PTPRD: variants seen among roughly 807,000 people sequenced by gnomAD.
PTPRD encodes the protein protein tyrosine phosphatase receptor type D.
In PTPRD, 34 loss-of-function variants were observed where a neutral mutation model predicts 214.5. The observed-to-expected ratio is 0.16, with a 90% confidence interval of 0.12 to 0.21. The LOEUF (loss-of-function observed/expected upper bound fraction) is 0.21, where lower values mean the gene tolerates loss of function less well. Among genes scored for constraint, PTPRD ranks in the 10% least tolerant of loss-of-function variants. The pLI, the probability that PTPRD is intolerant of heterozygous loss-of-function variation, is 1.00. For synonymous variants in PTPRD, 1,128 were observed against 845.7 expected, an observed-to-expected ratio of 1.33 and a Z score of -5.79; for missense variants, 2,545 against 2,398.7, an observed-to-expected ratio of 1.06 and a Z score of -1.27.
chr9:9,825,196 T>A (rs2052312207), intron 5 of PTPRD, among the ~76,000 whole-genome samples: 1 of 152,118 alleles, frequency 6.6e-6, no homozygotes, highest in African/African-American at 2.4e-5. Flanking sequence ...AGAGTTCATA[T>A]AGGAAAGACA....
At chr9:8,642,994 T>C (rs77017483) in intron 12 of PTPRD, among the ~76,000 whole-genome samples, 54 of 152,226 alleles carry the variant, frequency 3.5e-4, no homozygotes, top group Non-Finnish European at 5.7e-4. Flanking sequence ...AGGTTCTACA[T>C]GAACCAGGGC....
At chr9:8,790,196 T>C (rs2096169582) in intron 11 of PTPRD, among the ~76,000 whole-genome samples, 1 of 151,904 alleles carries the variant, frequency 6.6e-6, no homozygotes, top group East Asian at 1.9e-4. Flanking sequence ...TTTTATTTTT[T>C]GTAGAGACGG....
chr9:9,121,182 G>C (rs533381275), intron 10 of PTPRD, among the ~76,000 whole-genome samples: 8 of 152,218 alleles, frequency 5.3e-5, no homozygotes, highest in African/African-American at 1.9e-4. Context: ...ACTATTTATG[G>C]AAATGTGACA....
At chr9:9,340,918 A>G (rs537420865) in intron 9 of PTPRD, among the ~76,000 whole-genome samples, 15 of 152,312 alleles carry the variant, frequency 9.8e-5, no homozygotes, top group African/African-American at 3.6e-4. Flanking sequence ...AAACAGTGAT[A>G]GTAACAGCAG....
At chr9:10,479,480 C>T (rs1337427627) in intron 2 of PTPRD, among the ~76,000 whole-genome samples, 2 of 152,006 alleles carry the variant, frequency 1.3e-5, no homozygotes, top group Non-Finnish European at 2.9e-5. Context: ...ACGACTTCAA[C>T]TTTAAACCAC....
intron 7 of PTPRD, among the ~76,000 whole-genome samples, chr9:9,672,009 A>T (rs1465557649): frequency 6.6e-6 from 1 of 152,174 alleles, no homozygotes; most frequent in Non-Finnish European, 1.5e-5. Flanking sequence ...AAACATCACA[A>T]CTTGTCAGGG....
intron 14 of PTPRD, among the ~76,000 whole-genome samples, chr9:8,576,632 A>C (rs2092397824): frequency 3.3e-5 from 1 of 30,134 alleles, no homozygotes; most frequent in Non-Finnish European, 5.8e-5. Context: ...CTAATGCAGC[A>C]AAAAAAAAAA....
chr9:8,395,777 A>G (rs559516359), intron 36 of PTPRD, among the ~76,000 whole-genome samples: 1 of 152,042 alleles, frequency 6.6e-6, no homozygotes, highest in African/African-American at 2.4e-5. Flanking sequence ...TTGATTTTCC[A>G]TACCCCCACA....
intron 9 of PTPRD, among the ~76,000 whole-genome samples, chr9:9,239,144 C>T (rs551113280): frequency 2.7e-4 from 41 of 151,328 alleles, no homozygotes; most frequent in African/African-American, 9.9e-4. Context: ...CTTTTATCTT[C>T]ACTAGAACTA....
At chr9:8,340,268 G>C (rs1395029552) in intron 42 of PTPRD, 75 bp downstream of exon 42, 1 of 1,465,010 alleles carries the variant, frequency 6.8e-7, no homozygotes, top group Non-Finnish European at 9.2e-7. Context: ...TAGCACAAGA[G>C]TTATTGAAAC....
chr9:9,987,604 G>T (rs781353167), intron 4 of PTPRD, among the ~76,000 whole-genome samples: 1 of 151,994 alleles, frequency 6.6e-6, no homozygotes, highest in Admixed American at 6.5e-5. Flanking sequence ...GATTTGGGTG[G>T]GGATGTTAGC....
At chr9:10,283,684 C>G (rs1241618698) in intron 3 of PTPRD, among the ~76,000 whole-genome samples, 2 of 152,134 alleles carry the variant, frequency 1.3e-5, no homozygotes, top group Non-Finnish European at 2.9e-5. Flanking sequence ...TCTTTGGTAT[C>G]AAAATTTACA....
chr9:10,061,782 T>A (rs1287508971), intron 3 of PTPRD, among the ~76,000 whole-genome samples: 1 of 152,090 alleles, frequency 6.6e-6, no homozygotes, highest in Non-Finnish European at 1.5e-5. Flanking sequence ...TCTTTTCACT[T>A]ATGTAAAATG....
chr9:10,565,826 T>A (rs931929942), intron 2 of PTPRD, among the ~76,000 whole-genome samples: 20 of 151,718 alleles, frequency 1.3e-4, no homozygotes, highest in African/African-American at 4.1e-4. Context: ...TACAGAAAAA[T>A]ACAATACATA....
intron 9 of PTPRD, among the ~76,000 whole-genome samples, chr9:9,346,837 C>T (rs560246614): frequency 5.3e-5 from 8 of 152,116 alleles, no homozygotes; most frequent in African/African-American, 1.2e-4. Context: ...GGATTACAGG[C>T]GCCTGACACC....
chr9:8,388,990 T>G (rs1388494895), intron 37 of PTPRD, among the ~76,000 whole-genome samples: 1 of 151,502 alleles, frequency 6.6e-6, no homozygotes. Context: ...TCCTTTTTTT[T>G]TTTTTTTTTT....
At chr9:9,679,089 G>C (rs2097002656) in intron 7 of PTPRD, among the ~76,000 whole-genome samples, 1 of 145,592 alleles carries the variant, frequency 6.9e-6, no homozygotes, top group South Asian at 2.1e-4. Flanking sequence ...AGAGGAGAGA[G>C]ATACCCTTTG....
chr9:8,419,706 A>T (rs901704032), intron 35 of PTPRD, among the ~76,000 whole-genome samples: 2 of 152,080 alleles, frequency 1.3e-5, no homozygotes, highest in South Asian at 2.1e-4. Context: ...TGAAATTATA[A>T]AACAAAATAC....
chr9:8,458,166 T>A (rs1021806021), intron 33 of PTPRD, among the ~76,000 whole-genome samples: 39 of 152,184 alleles, frequency 2.6e-4, no homozygotes, highest in African/African-American at 8.9e-4. Flanking sequence ...ACTAAAATGC[T>A]ACTCTATTTT....
Sources: gnomAD v4.1 joint callset for allele counts (sites outside exome capture counted in the v4.1 genomes callset) on GRCh38, gnomAD v4.1.1 for gene constraint, MANE v1.5 for transcripts, NCBI Gene and HGNC (gene_info 2026-07-23, HGNC 2026-07-21) for gene names.